Variants in ST18 observed in about 807,000 individuals in gnomAD.
ST18 encodes suppression of tumorigenicity 18 protein.
In ST18, 50 loss-of-function variants were observed where a neutral mutation model predicts 110.0. The observed-to-expected ratio is 0.45, with a 90% CI of 0.36 to 0.58. The LOEUF (loss-of-function observed/expected upper bound fraction) is 0.58. ST18 is among the 20% of genes least tolerant of loss of function. The pLI, the probability that ST18 is intolerant of heterozygous loss-of-function variation, is 0.00. For synonymous variants in ST18, 461 were observed against 452.4 expected, an observed-to-expected ratio of 1.02 and a Z score of -0.24; for missense variants, 1,306 against 1,280.1, an observed-to-expected ratio of 1.02 and a Z score of -0.31.
chr8:52,123,414 T>C (rs2045771890), intron 23 of ST18, among the ~76,000 whole-genome samples: 1 of 152,188 alleles, frequency 6.6e-6, no homozygotes, highest in African/African-American at 2.4e-5. Context: ...AGAACAATTA[T>C]TGTGGCCACA....
chr8:52,266,209 A>G (rs1026709244), intron 2 of ST18, among the ~76,000 whole-genome samples: 2 of 152,246 alleles, frequency 1.3e-5, no homozygotes, highest in Non-Finnish European at 2.9e-5. Flanking sequence ...ATAAAATGCA[A>G]TGATCTGAGA....
At chr8:52,126,243 T>A in intron 22 of ST18, 103 bp from the exon 23 acceptor site, 1 of 1,100,374 alleles carries the variant, frequency 9.1e-7, no homozygotes, top group Non-Finnish European at 1.3e-6. Context: ...TGCTGCCGAT[T>A]AATTACATTA....
At chr8:52,230,815 C>T (rs1359799580) in intron 2 of ST18, among the ~76,000 whole-genome samples, 2 of 7,828 alleles carry the variant, frequency 2.6e-4, no homozygotes, top group Non-Finnish European at 3.8e-4. Context: ...TGGAAAGAGG[C>T]GAACTTCACC....
At chr8:52,311,543 C>A (rs893543825) in intron 2 of ST18, among the ~76,000 whole-genome samples, 1 of 152,134 alleles carries the variant, frequency 6.6e-6, no homozygotes, top group Non-Finnish European at 1.5e-5. Flanking sequence ...AACGATACTA[C>A]CAGAGACTGG....
intron 2 of ST18, among the ~76,000 whole-genome samples, chr8:52,346,498 T>C (rs987413364): frequency 2.0e-5 from 3 of 152,122 alleles, no homozygotes; most frequent in Non-Finnish European, 4.4e-5. Context: ...ACAAGGCCCC[T>C]AGTGGGCAGC....
chr8:52,312,559 G>A (rs565058619), intron 2 of ST18, among the ~76,000 whole-genome samples: 12 of 152,186 alleles, frequency 7.9e-5, no homozygotes, highest in African/African-American at 2.4e-4. Flanking sequence ...AAACCAGATG[G>A]ATCCTAGAAG....
At chr8:52,234,121 A>G (rs926497118) in intron 2 of ST18, among the ~76,000 whole-genome samples, 1 of 152,234 alleles carries the variant, frequency 6.6e-6, no homozygotes, top group Non-Finnish European at 1.5e-5. Flanking sequence ...TTCCAAAAAA[A>G]GCATGTGCAG....
At chr8:52,346,215 C>A (rs902581638) in intron 2 of ST18, among the ~76,000 whole-genome samples, 1 of 149,982 alleles carries the variant, frequency 6.7e-6, no homozygotes, top group Non-Finnish European at 1.5e-5. Flanking sequence ...AAGTTTTAAA[C>A]GAAAATAAGA....
rs60638852 is a variant in ST18, at chr8:52,384,786, G to GGTGTGTGTGT, written c.-465+24532_-465+24541dup. Among the ~76,000 whole-genome samples, 493 of 147,474 alleles carry GGTGTGTGTGT rather than the reference G, an allele frequency of 3.3e-3. 3 individuals carry two copies. Among genetic ancestry groups the GGTGTGTGTGT allele is most frequent in the African/African-American group, 0.012 (470 of 40,382 alleles). ...ATTCATTCCCCTATGTGTGTACACAGGTGTGTGTGTGTGTGTGTGTGTGTG... is the reference window on the plus strand; with the variant it reads ...ATTCATTCCCCTATGTGTGTACACAGGTGTGTGTGTGTGTGTGTGTGTGTGTGTGTGTGTG... On this transcript the variant is annotated intron_variant, in intron 2 of 25. Coordinates refer to ENST00000689386, the MANE Select transcript of ST18 (RefSeq NM_001352837.2).
At chr8:52,286,444 T>C (rs763901744) in intron 2 of ST18, among the ~76,000 whole-genome samples, 6 of 152,208 alleles carry the variant, frequency 3.9e-5, no homozygotes, top group Non-Finnish European at 7.3e-5. Context: ...AACTGTCCTA[T>C]GCTATATTAC....
At chr8:52,399,860 A>G (rs13248500) in intron 2 of ST18, among the ~76,000 whole-genome samples, 4,171 of 152,128 alleles carry the variant, frequency 0.027, 89 homozygotes, top group Non-Finnish European at 0.046. Flanking sequence ...TTCTATGTGC[A>G]CTAGAAAAGA....
intron 15 of ST18, among the ~76,000 whole-genome samples, chr8:52,158,174 T>C (rs1587274544): frequency 1.3e-5 from 2 of 152,180 alleles, no homozygotes; most frequent in East Asian, 3.9e-4. Flanking sequence ...GATCTTTGTT[T>C]TTTGGTTTTC....
chr8:52,139,444 C>G (rs1475594970), intron 17 of ST18, among the ~76,000 whole-genome samples: 4 of 152,224 alleles, frequency 2.6e-5, no homozygotes, highest in African/African-American at 7.2e-5. Flanking sequence ...CAAACTTCGC[C>G]TCCTGGGCTC....
At chr8:52,119,289 A>G (rs2043748825) in intron 23 of ST18, among the ~76,000 whole-genome samples, 1 of 152,200 alleles carries the variant, frequency 6.6e-6, no homozygotes. Context: ...GAGTATGACT[A>G]CATTTGAAAG....
At position 52,354,451 on chromosome 8, in the gene ST18, G is replaced by C. The variant is rs182482751; in HGVS notation, c.-465+54877C>G. 4.5e-4 allele frequency among the ~76,000 whole-genome samples: 69 copies of C among 152,294 alleles called. No individual in the cohort carries two copies. In the East Asian group the frequency reaches 0.011, roughly 24 times the overall value. The stretch of plus-strand genomic sequence containing the variant: ...TGGTATGCAAGAGTAGATGAGTCAA[G>C]GATAATATTTGAAGCCTGAGTAAAT... On this transcript the variant is annotated intron_variant, in intron 2 of 25. Coordinates refer to ENST00000689386, the MANE Select transcript of ST18 (RefSeq NM_001352837.2).
At position 52,302,784 on chromosome 8, in the gene ST18, A is replaced by G. The variant is rs543707638; in HGVS notation, c.-464-72707T>C. 2.0e-5 allele frequency among the ~76,000 whole-genome samples: 3 copies of G among 152,364 alleles called. No individual in the cohort carries two copies. In the South Asian group the frequency reaches 6.2e-4, roughly 32 times the overall value. Reference sequence around the variant, plus strand: ...ATAACCCCTTGAATAATAAATCTATACAGATATAAAAATATATTTTAAATA... The same window carrying G: ...ATAACCCCTTGAATAATAAATCTATGCAGATATAAAAATATATTTTAAATA... On this transcript the variant is annotated intron_variant, in intron 2 of 25. Coordinates refer to ENST00000689386, the MANE Select transcript of ST18 (RefSeq NM_001352837.2).
intron 2 of ST18, among the ~76,000 whole-genome samples, chr8:52,243,683 G>A (rs2093622886): frequency 6.6e-6 from 1 of 152,122 alleles, no homozygotes; most frequent in Non-Finnish European, 1.5e-5. Context: ...ACCATGCCTG[G>A]CACAGTGTAA....
intron 15 of ST18, among the ~76,000 whole-genome samples, chr8:52,151,485 T>C (rs780089361): frequency 2.0e-5 from 3 of 152,224 alleles, no homozygotes; most frequent in Admixed American, 6.5e-5. Flanking sequence ...GTACAGCTTA[T>C]CCGGGATAAT....
chr8:52,212,536 C>A (rs957857446), intron 7 of ST18, among the ~76,000 whole-genome samples: 1 of 152,122 alleles, frequency 6.6e-6, no homozygotes, highest in African/African-American at 2.4e-5. Context: ...ATGTCCCATG[C>A]TTTTACTCAT....
Sources: gnomAD v4.1 joint callset for allele counts (sites outside exome capture counted in the v4.1 genomes callset) on GRCh38, gnomAD v4.1.1 for gene constraint, MANE v1.5 for transcripts, NCBI Gene and HGNC (gene_info 2026-07-23, HGNC 2026-07-21) for gene names.